The following TADA3 variants were observed in gnomAD, a reference collection of about 807,000 sequenced individuals.
TADA3 encodes transcriptional adapter 3.
TADA3 carries 25 observed loss-of-function variants against 43.2 expected under a neutral mutation model. The observed-to-expected ratio is 0.58, with a 90% CI of 0.42 to 0.81. The LOEUF is 0.81. Ranked by LOEUF, TADA3 falls within the 30% of genes least tolerant of loss-of-function variation. The probability of loss-of-function intolerance (pLI) is 0.00; values close to 1 mark genes in which losing one functional copy is unlikely to be tolerated. For missense variants in TADA3, 441 were observed against 567.8 expected, an observed-to-expected ratio of 0.78 and a Z score of 2.27; for synonymous variants, 235 against 225.5, an observed-to-expected ratio of 1.04 and a Z score of -0.38.
In TADA3 at chr3:9,792,429, A is replaced by C. The variant is rs1471594106; in HGVS notation, c.-241T>G. ...CTCCTACGGCCCCAGGGGCCGCGGG[A>C]GGGGGCGGGGAGTTCCGGTCGATGT... On this transcript the variant is annotated 5_prime_UTR_variant, in exon 1 of 9. Transcript: ENST00000301964. The C allele has an allele frequency of 1.4e-5, 15 of 1,062,426 alleles. No homozygotes were observed. Among genetic ancestry groups the C allele is most frequent in the East Asian group, 5.1e-5 (1 of 19,456 alleles). The allele number at this position is 1,062,426 out of a possible 1,614,324, so 65.8% of individuals were successfully genotyped here. A position where few individuals can be genotyped will look rare whatever the true frequency, so the allele number is the denominator to read the frequency against.
chr3:9,791,541 G>A, intron 1 of TADA3, 48 bp from the exon 2 acceptor site: 1 of 1,211,206 alleles, frequency 8.3e-7, no homozygotes, highest in Non-Finnish European at 1.1e-6. Context: ...TCTGAGAAAA[G>A]CCCAAGGGCT....
chr3:9,781,141 A>AG (rs1553707638), intron 8 of TADA3, among the ~76,000 whole-genome samples: 1 of 151,982 alleles, frequency 6.6e-6, no homozygotes, highest in Non-Finnish European at 1.5e-5. Context: ...AAAAAAAAAA[A>AG]GGTCTTAAAA....
In TADA3 at chr3:9,789,560, G is replaced by A. The variant is rs765787745; in HGVS notation, c.513C>T (p.Arg171=). The A allele has an allele frequency of 4.3e-6, 7 of 1,614,160 alleles. No homozygotes were observed. The highest frequency in any genetic ancestry group is 5.9e-6 in the Non-Finnish European group (7 of 1,180,026). Reference sequence around the variant, plus strand: ...GGGGCTTCAGTAACTCCTCAAGTGTGCGGACCTCCTCGCTGGTGATGTCAG... The same window carrying A: ...GGGGCTTCAGTAACTCCTCAAGTGTACGGACCTCCTCGCTGGTGATGTCAG... ...YCADITSEEV[R]TLEELLKPPE... Residue 171 remains arginine (R), a synonymous_variant, in exon 4 of 9, where the codon CGC becomes CGT. Transcript: ENST00000301964.
intron 8 of TADA3, among the ~76,000 whole-genome samples, chr3:9,782,534 G>T (rs2078500439): frequency 6.6e-6 from 1 of 152,174 alleles, no homozygotes; most frequent in Admixed American, 6.5e-5. Flanking sequence ...TCCTTTTAAT[G>T]GCACTTATCT....
At chr3:9,782,599 C>T (rs190921132) in intron 8 of TADA3, among the ~76,000 whole-genome samples, 12 of 152,278 alleles carry the variant, frequency 7.9e-5, no homozygotes, top group Admixed American at 5.9e-4. Flanking sequence ...CTCTTGCTGG[C>T]CCCCAGCACA....
At chr3:9,787,732 A>AT (rs1253718840) in intron 4 of TADA3, 3 of 1,293,948 alleles carry the variant, frequency 2.3e-6, no homozygotes, top group African/African-American at 3.0e-5. Flanking sequence ...TTTCAGATAA[A>AT]TTTTTAAGAA....
At chr3:9,784,480 TTATA>T (rs1465796987) in intron 7 of TADA3, among the ~76,000 whole-genome samples, 1 of 152,154 alleles carries the variant, frequency 6.6e-6, no homozygotes, top group African/African-American at 2.4e-5. Flanking sequence ...TTATATATTA[TTATA>T]TATATTCCAG....
intron 7 of TADA3, among the ~76,000 whole-genome samples, chr3:9,784,529 A>C (rs1251942252): frequency 6.6e-6 from 1 of 152,034 alleles, no homozygotes; most frequent in Non-Finnish European, 1.5e-5. Flanking sequence ...CTTTTGCTAC[A>C]TATTAGTCCA....
intron 4 of TADA3, 39 bp downstream of exon 4, chr3:9,789,470 T>C (rs1348497910): frequency 1.9e-6 from 3 of 1,584,020 alleles, no homozygotes; most frequent in Non-Finnish European, 2.6e-6. Context: ...CTGAACTCTC[T>C]TGTTCCGCAT....
chr3:9,787,609 TTG>T (rs1288535592), intron 4 of TADA3: 1 of 1,153,744 alleles, frequency 8.7e-7, no homozygotes, highest in Non-Finnish European at 1.2e-6. Context: ...CGTACACAGA[TTG>T]TCTCAGGTCA....
At chr3:9,787,364 C>G in intron 4 of TADA3, 24 bp from the exon 5 acceptor site, 1 of 1,591,444 alleles carries the variant, frequency 6.3e-7, no homozygotes, top group East Asian at 2.2e-5. Context: ...GGCACCCAAC[C>G]CTGAGTGGGT....
intron 6 of TADA3, among the ~76,000 whole-genome samples, chr3:9,786,288 C>G (rs1486404471): frequency 1.3e-5 from 2 of 152,130 alleles, no homozygotes; most frequent in Admixed American, 1.3e-4. Context: ...CCCAGAGTGA[C>G]CTTGTGCAGA....
intron 7 of TADA3, 80 bp downstream of exon 7, chr3:9,785,236 A>C: frequency 8.8e-7 from 1 of 1,140,856 alleles, no homozygotes; most frequent in Non-Finnish European, 1.3e-6. Flanking sequence ...CTTACTGATG[A>C]GGACTTCCCC....
At chr3:9,790,642 G>A (rs1323381536) in intron 2 of TADA3, among the ~76,000 whole-genome samples, 1 of 152,232 alleles carries the variant, frequency 6.6e-6, no homozygotes, top group Non-Finnish European at 1.5e-5. Flanking sequence ...AAAGTCATCA[G>A]AGTAGCAAAT....
Position 9,787,048 on chromosome 3 carries a change from G to A in TADA3, c.768C>T (p.Pro256=). Residue 256 remains proline (P), a synonymous_variant, in exon 6 of 9, where the codon CCC becomes CCT. Coordinates refer to ENST00000301964, the MANE Select transcript of TADA3 (RefSeq NM_006354.5). ...GGAGGCGCTGCGTCAGGGCACCAAAGGGGCATCCATCTTCCGGCTGTTCAT... is the reference window on the plus strand; with the variant it reads ...GGAGGCGCTGCGTCAGGGCACCAAAAGGGCATCCATCTTCCGGCTGTTCAT... ...AQHEQPEDGC[P]FGALTQRLLQ... The A allele has an allele frequency of 6.2e-7, 1 of 1,614,234 alleles. No homozygotes were observed. Among genetic ancestry groups the A allele is most frequent in the Non-Finnish European group, 8.5e-7 (1 of 1,180,052 alleles).
intron 7 of TADA3, among the ~76,000 whole-genome samples, 169 bp downstream of exon 7, chr3:9,785,147 C>CA (rs1305138575): frequency 6.6e-5 from 10 of 152,228 alleles, no homozygotes; most frequent in African/African-American, 2.4e-4. Flanking sequence ...ACCCTGCACT[C>CA]AGTCTGTGCA....
intron 6 of TADA3, 93 bp from the exon 7 acceptor site, chr3:9,785,518 A>G: frequency 1.2e-6 from 1 of 824,084 alleles, no homozygotes; most frequent in Non-Finnish European, 1.9e-6. Context: ...AACACCAGAA[A>G]TATCCTTTTA....
At chr3:9,792,703 CG>C (rs2078769638), upstream of TADA3, 1 of 1,233,568 alleles carries the variant, frequency 8.1e-7, no homozygotes, top group Non-Finnish European at 1.0e-6. Context: ...CCAGGAGCTG[CG>C]GGTAGGAGGG....
chr3:9,790,299 C>G (rs2078701430), intron 2 of TADA3, among the ~76,000 whole-genome samples: 1 of 152,234 alleles, frequency 6.6e-6, no homozygotes, highest in Non-Finnish European at 1.5e-5. Context: ...GATGCCTTCT[C>G]TCAATCAGTT....
Sources: allele counts gnomAD v4.1 joint callset (sites outside exome capture counted in the v4.1 genomes callset), GRCh38; gene constraint gnomAD v4.1.1; transcripts MANE v1.5; gene names NCBI Gene and HGNC (gene_info 2026-07-23, HGNC 2026-07-21).